FGD4: variants seen among roughly 807,000 people sequenced by gnomAD.
FGD4 encodes FYVE, RhoGEF and PH domain containing 4.
A neutral mutation model predicts 102.0 loss-of-function variants in FGD4; 42 were observed. The observed-to-expected ratio is 0.41, with a 90% CI of 0.32 to 0.53. The LOEUF (loss-of-function observed/expected upper bound fraction) is 0.53. Ranked by LOEUF, FGD4 falls within the 20% of genes least tolerant of loss-of-function variation. The probability of loss-of-function intolerance (pLI) is 0.21; values close to 1 mark genes in which losing one functional copy is unlikely to be tolerated. For missense variants in FGD4, 902 were observed against 1,078.2 expected (o/e 0.84, Z 2.29); for synonymous variants, 380 against 375.7 (o/e 1.01, Z -0.13).
chr12:32,630,993 A>T (rs534682381), intron 14 of FGD4, among the ~76,000 whole-genome samples: 15 of 149,578 alleles, frequency 1.0e-4, no homozygotes, highest in African/African-American at 2.2e-4. Flanking sequence ...TCAAAAAAAT[A>T]AAAAAAAAAT....
intron 14 of FGD4, among the ~76,000 whole-genome samples, chr12:32,628,197 G>A (rs1300310474): frequency 6.6e-6 from 1 of 152,166 alleles, no homozygotes; most frequent in African/African-American, 2.4e-5. Flanking sequence ...AAATTCCTGA[G>A]TGAATGGGTG....
intron 5 of FGD4, among the ~76,000 whole-genome samples, chr12:32,599,269 C>T (rs1948156235): frequency 1.3e-5 from 2 of 150,408 alleles, no homozygotes; most frequent in Admixed American, 6.6e-5. Flanking sequence ...CCGAGGCGGG[C>T]GGATCACGAG....
intron 1 of FGD4, among the ~76,000 whole-genome samples, chr12:32,527,522 TG>T (rs1941379068): frequency 6.6e-6 from 1 of 152,168 alleles, no homozygotes; most frequent in Admixed American, 6.5e-5. Flanking sequence ...CTCTGCCTCC[TG>T]GGTTCAAGTG....
At chr12:32,507,111 G>C (rs1250529360) in intron 1 of FGD4, among the ~76,000 whole-genome samples, 1 of 126,230 alleles carries the variant, frequency 7.9e-6, no homozygotes, top group African/African-American at 3.2e-5. Context: ...CCCAGAGTGT[G>C]ATGTTCCCCT....
At chr12:32,537,068 C>T (rs1228410043) in intron 1 of FGD4, among the ~76,000 whole-genome samples, 1 of 151,996 alleles carries the variant, frequency 6.6e-6, no homozygotes, top group Non-Finnish European at 1.5e-5. Flanking sequence ...GCCACCATGC[C>T]CGGCTAATTT....
chr12:32,442,760 G>A (rs1269579825), intron 1 of FGD4, among the ~76,000 whole-genome samples: 2 of 152,024 alleles, frequency 1.3e-5, no homozygotes, highest in East Asian at 3.9e-4. Flanking sequence ...GTTTCACCAT[G>A]TTGCCCATGC....
At chr12:32,611,820 C>A (rs1375801665) in intron 10 of FGD4, among the ~76,000 whole-genome samples, 1 of 152,226 alleles carries the variant, frequency 6.6e-6, no homozygotes, top group Non-Finnish European at 1.5e-5. Flanking sequence ...TGCAGTGATG[C>A]TGGTTGCAGC....
intron 1 of FGD4, among the ~76,000 whole-genome samples, chr12:32,401,993 C>T (rs1591832376): frequency 1.3e-5 from 2 of 150,936 alleles, no homozygotes; most frequent in East Asian, 2.0e-4. Context: ...AGCTCCGCCT[C>T]CCGGGTTCAC....
At position 32,506,739 on chromosome 12, in the gene FGD4, A is replaced by G. The variant is rs887325868; in HGVS notation, c.167-57398A>G. On this transcript the variant is annotated intron_variant, in intron 1 of 16. Coordinates refer to ENST00000534526, the MANE Select transcript of FGD4 (RefSeq NM_001370298.3). This position sits in a 1 kb window ranked among gnomAD's most constrained non-coding sequence, Gnocchi z 4.5. ...TGCACATTTACTCTATGCCATTCCT[A>G]TTGCGATGTGGAGGATATGGCATTG... is the stretch of plus-strand genomic sequence containing the variant. 5.9e-5 allele frequency among the ~76,000 whole-genome samples: 9 copies of G among 152,094 alleles called. No individual in the cohort carries two copies. Among genetic ancestry groups the G allele is most frequent in the African/African-American group, 1.9e-4 (8 of 41,396 alleles).
At chr12:32,583,850 T>C (rs1340627165) in intron 4 of FGD4, among the ~76,000 whole-genome samples, 1 of 152,206 alleles carries the variant, frequency 6.6e-6, no homozygotes, top group Non-Finnish European at 1.5e-5. Context: ...AGTTTATTTG[T>C]TCGTGAACCA....
intron 1 of FGD4, among the ~76,000 whole-genome samples, chr12:32,442,611 TG>T (rs1288380118): frequency 3.5e-5 from 5 of 144,428 alleles, no homozygotes; most frequent in Non-Finnish European, 7.5e-5. Context: ...TCTCCAAGGC[TG>T]GGGCGCAGTG....
intron 1 of FGD4, among the ~76,000 whole-genome samples, chr12:32,478,236 G>C (rs957978926): frequency 1.3e-5 from 2 of 152,102 alleles, no homozygotes; most frequent in African/African-American, 4.8e-5. Context: ...GGTAAGTATT[G>C]AAATAACTTA....
intron 1 of FGD4, among the ~76,000 whole-genome samples, chr12:32,456,194 A>G (rs528478674): frequency 1.2e-4 from 19 of 152,294 alleles, no homozygotes; most frequent in African/African-American, 4.3e-4. Context: ...ACTAAAAGCT[A>G]TCTAAAATTG....
intron 8 of FGD4, 100 bp downstream of exon 8, chr12:32,608,195 C>A: frequency 1.4e-6 from 2 of 1,464,354 alleles, no homozygotes; most frequent in Non-Finnish European, 1.9e-6. Flanking sequence ...CTACTTTAGT[C>A]AAATGTTGCT....
intron 15 of FGD4, among the ~76,000 whole-genome samples, chr12:32,634,791 C>T (rs1443630035): frequency 1.3e-5 from 2 of 152,132 alleles, no homozygotes; most frequent in African/African-American, 4.8e-5. Context: ...GAGATCAAGA[C>T]CATCCTGGCC....
intron 1 of FGD4, among the ~76,000 whole-genome samples, chr12:32,432,924 C>T (rs768791649): frequency 3.3e-5 from 5 of 152,116 alleles, no homozygotes; most frequent in Non-Finnish European, 5.9e-5. Context: ...ACCTAGTTTA[C>T]ATAGAAACTT....
chr12:32,442,773 G>A (rs531823119), intron 1 of FGD4, among the ~76,000 whole-genome samples: 66 of 152,070 alleles, frequency 4.3e-4, no homozygotes, highest in African/African-American at 1.6e-3. Flanking sequence ...GCCCATGCTG[G>A]TCTCGAACTC....
chr12:32,535,161 G>A (rs764571612), intron 1 of FGD4, among the ~76,000 whole-genome samples: 3 of 152,156 alleles, frequency 2.0e-5, no homozygotes, highest in Non-Finnish European at 2.9e-5. Flanking sequence ...ATCATGTGAC[G>A]GGAAATGTCT....
chr12:32,619,268 C>A (rs1003818531), intron 10 of FGD4, among the ~76,000 whole-genome samples: 2 of 152,032 alleles, frequency 1.3e-5, no homozygotes, highest in African/African-American at 4.8e-5. Flanking sequence ...AATAATTTTT[C>A]TCATGCAGGA....
Sources: allele counts gnomAD v4.1 joint callset (sites outside exome capture counted in the v4.1 genomes callset), GRCh38; gene constraint gnomAD v4.1.1; non-coding constraint Gnocchi (gnomAD v3.1); transcripts MANE v1.5; gene names NCBI Gene and HGNC (gene_info 2026-07-23, HGNC 2026-07-21).